The following AGBL4 variants were observed in gnomAD, a reference collection of about 807,000 sequenced individuals.
AGBL4 encodes the protein cytosolic carboxypeptidase 6.
AGBL4 carries 58 observed loss-of-function variants against 66.4 expected under a neutral mutation model. The observed-to-expected ratio is 0.87, with a 90% CI of 0.71 to 1.09. The LOEUF (loss-of-function observed/expected upper bound fraction) is 1.09. Ranked by LOEUF, AGBL4 falls within the 50% of genes least tolerant of loss-of-function variation. The pLI, the probability that AGBL4 is intolerant of heterozygous loss-of-function variation, is 0.00. For missense variants in AGBL4, 579 were observed against 631.0 expected, an observed-to-expected ratio of 0.92 and a Z score of 0.88; for synonymous variants, 234 against 222.9, an observed-to-expected ratio of 1.05 and a Z score of -0.44.
At chr1:49,678,490 A>T (rs192109217) in intron 3 of AGBL4, among the ~76,000 whole-genome samples, 1 of 152,000 alleles carries the variant, frequency 6.6e-6, no homozygotes, top group East Asian at 1.9e-4. Context: ...TCTTGCCCTC[A>T]GTTTGCATTG....
At chr1:48,715,904 T>C (rs1647042615) in intron 6 of AGBL4, among the ~76,000 whole-genome samples, 1 of 152,144 alleles carries the variant, frequency 6.6e-6, no homozygotes, top group South Asian at 2.1e-4. Context: ...AGGTATGCTT[T>C]TGATTAAAAT....
chr1:49,045,577 G>C lies in AGBL4; in HGVS notation c.594+7C>G. The C allele has an allele frequency of 6.2e-7, 1 of 1,602,270 alleles. No homozygotes were observed. Among genetic ancestry groups the C allele is most frequent in the South Asian group, 1.1e-5 (1 of 88,538 alleles). On this transcript the variant is annotated splice_region_variant and intron_variant, in intron 5 of 13. Coordinates refer to ENST00000371839, the MANE Select transcript of AGBL4 (RefSeq NM_032785.4). Reference sequence around the variant, plus strand: ...AATGAGTAACCCAAACCTGGCACAGGCCTTACCACACTCTGGCCCAGCTGC... The same window carrying C: ...AATGAGTAACCCAAACCTGGCACAGCCCTTACCACACTCTGGCCCAGCTGC...
In AGBL4 at chr1:50,006,318, G is replaced by A. The variant is rs565522159; in HGVS notation, c.34+17445C>T. On this transcript the variant is annotated intron_variant, in intron 1 of 13. Coordinates refer to ENST00000371839, the MANE Select transcript of AGBL4 (RefSeq NM_032785.4). Reference sequence around the variant, plus strand: ...TGCGCCACTGCACTCCAGCCTGGGCGACAGAGCAAGACTCCGCCTCAAAAA... The same window carrying A: ...TGCGCCACTGCACTCCAGCCTGGGCAACAGAGCAAGACTCCGCCTCAAAAA... Among the ~76,000 whole-genome samples, 6 of 148,266 alleles carry A rather than the reference G, an allele frequency of 4.0e-5. No homozygotes were observed. In the East Asian group the frequency reaches 5.9e-4, roughly 15 times the overall value.
intron 3 of AGBL4, among the ~76,000 whole-genome samples, chr1:49,402,039 G>A (rs1645097514): frequency 6.6e-6 from 1 of 152,010 alleles, no homozygotes; most frequent in African/African-American, 2.4e-5. Context: ...TATCATCTCT[G>A]ATTTTATTTA....
rs551265131 is a variant in AGBL4, at chr1:49,854,622, T to C, written c.35-3104A>G. The stretch of plus-strand genomic sequence containing the variant: ...TCTTACCCTGGGGCCCAGCTGCTCC[T>C]GCACCTCCACATCCCTGGAGCCCCA... On this transcript the variant is annotated intron_variant, in intron 1 of 13. Transcript: ENST00000371839. Among the ~76,000 whole-genome samples the C allele has an allele frequency of 3.3e-5, 5 of 152,214 alleles. No individual in the cohort carries two copies. The South Asian group carries it at 1.0e-3, about 32-fold the overall frequency.
chr1:48,725,741 G>A (rs1647232758), intron 6 of AGBL4, among the ~76,000 whole-genome samples: 1 of 152,164 alleles, frequency 6.6e-6, no homozygotes. Context: ...TTCTTCATTT[G>A]TATGGGTGTA....
chr1:49,844,993 C>A, intron 2 of AGBL4: 1 of 1,413,924 alleles, frequency 7.1e-7, no homozygotes, highest in Non-Finnish European at 9.8e-7. Flanking sequence ...ACAACAAGGC[C>A]CCCACACGTG....
At chr1:49,680,546 C>T (rs954663439) in intron 3 of AGBL4, among the ~76,000 whole-genome samples, 2 of 152,188 alleles carry the variant, frequency 1.3e-5, no homozygotes, top group South Asian at 2.1e-4. Flanking sequence ...AATGTTACAG[C>T]ACTTTATTGT....
intron 6 of AGBL4, among the ~76,000 whole-genome samples, chr1:48,819,957 G>C (rs1433559040): frequency 2.6e-5 from 4 of 152,184 alleles, no homozygotes; most frequent in African/African-American, 9.7e-5. Context: ...TCCAATCATA[G>C]TATTCCCTCA....
At chr1:48,597,092 T>C (rs1192729410) in intron 9 of AGBL4, among the ~76,000 whole-genome samples, 1 of 152,188 alleles carries the variant, frequency 6.6e-6, no homozygotes, top group South Asian at 2.1e-4. Flanking sequence ...GGCAACATCT[T>C]GTTCACCTTT....
chr1:49,690,046 C>T (rs1207368113), intron 3 of AGBL4, among the ~76,000 whole-genome samples: 2 of 152,168 alleles, frequency 1.3e-5, no homozygotes, highest in East Asian at 3.9e-4. Context: ...GCACCCTGAT[C>T]AGTCAGCAGC....
chr1:49,470,065 T>C (rs920100454), intron 3 of AGBL4: 2 of 152,000 alleles, frequency 1.3e-5, no homozygotes, highest in African/African-American at 4.8e-5. Context: ...TTAAAAGTTA[T>C]ATACAGAGAA....
At chr1:48,781,243 T>C (rs1022607745) in intron 6 of AGBL4, among the ~76,000 whole-genome samples, 2 of 152,202 alleles carry the variant, frequency 1.3e-5, no homozygotes, top group African/African-American at 4.8e-5. Flanking sequence ...ACATGTTTCA[T>C]AGATCCACAG....
chr1:49,285,070 A>AT (rs1644372080), intron 3 of AGBL4, among the ~76,000 whole-genome samples: 2 of 151,930 alleles, frequency 1.3e-5, no homozygotes, highest in South Asian at 4.2e-4. Flanking sequence ...CAGAATATAC[A>AT]TTTTTTTCAG....
chr1:49,125,496 T>C (rs1467226433), intron 4 of AGBL4, among the ~76,000 whole-genome samples: 1 of 152,134 alleles, frequency 6.6e-6, no homozygotes. Flanking sequence ...AGGGCTGTGC[T>C]CATCAAATAG....
intron 2 of AGBL4, among the ~76,000 whole-genome samples, chr1:49,758,465 C>T (rs148399010): frequency 8.1e-4 from 124 of 152,168 alleles, no homozygotes; most frequent in Non-Finnish European, 1.5e-3. Flanking sequence ...AACCTGCAGG[C>T]ACTCAATGCC....
chr1:49,861,660 C>T (rs1234885224), intron 1 of AGBL4, among the ~76,000 whole-genome samples: 1 of 152,154 alleles, frequency 6.6e-6, no homozygotes, highest in Non-Finnish European at 1.5e-5. Context: ...TACCTCAACA[C>T]AGCTATTTTG....
chr1:49,543,056 G>A (rs1652190094), intron 3 of AGBL4, among the ~76,000 whole-genome samples: 1 of 152,036 alleles, frequency 6.6e-6, no homozygotes, highest in African/African-American at 2.4e-5. Context: ...ATAACAAGGA[G>A]AGAAAGTAAT....
chr1:49,151,416 A>G (rs1379004893), intron 4 of AGBL4, among the ~76,000 whole-genome samples: 1 of 151,846 alleles, frequency 6.6e-6, no homozygotes, highest in East Asian at 1.9e-4. Context: ...GTTAAGCATG[A>G]TGATTAACTT....
Sources: allele counts gnomAD v4.1 joint callset (sites outside exome capture counted in the v4.1 genomes callset), GRCh38; gene constraint gnomAD v4.1.1; transcripts MANE v1.5; gene names NCBI Gene and HGNC (gene_info 2026-07-23, HGNC 2026-07-21).